The following SRGAP1 variants were observed in gnomAD, a reference collection of about 807,000 sequenced individuals.
SRGAP1 encodes SLIT-ROBO Rho GTPase activating protein 1.
SRGAP1 carries 43 observed loss-of-function variants against 121.9 expected under a neutral mutation model. The ratio of observed to expected loss-of-function variants is 0.35; its 90% CI spans 0.28 to 0.46. The LOEUF is 0.46. Ranked by LOEUF, SRGAP1 falls within the 20% of genes least tolerant of loss-of-function variation. The pLI, the probability that SRGAP1 is intolerant of heterozygous loss-of-function variation, is 1.00. For synonymous variants in SRGAP1, 447 were observed against 485.4 expected (o/e 0.92, Z 1.04); for missense variants, 1,102 against 1,350.9 (o/e 0.82, Z 2.89).
intron 1 of SRGAP1, among the ~76,000 whole-genome samples, chr12:63,942,176 A>G (rs967242020): frequency 2.0e-5 from 3 of 152,286 alleles, no homozygotes; most frequent in Non-Finnish European, 2.9e-5. Context: ...AAATTTCTCT[A>G]TGGGCATCAT....
Position 64,062,904 on chromosome 12 carries a change from T to C in SRGAP1, c.802-13T>C. The C allele has an allele frequency of 6.3e-7, 1 of 1,599,760 alleles. No homozygotes were observed. Among genetic ancestry groups the C allele is most frequent in the East Asian group, 2.2e-5 (1 of 44,536 alleles). ...CATTCATTTTTGTATGTGGTGTTCT[T>C]TTACTTTTTAAGTGCTGTGATCTTG... On this transcript the variant is annotated splice_polypyrimidine_tract_variant and intron_variant, in intron 6 of 21. Transcript: ENST00000355086.
intron 1 of SRGAP1, among the ~76,000 whole-genome samples, chr12:63,949,458 C>T (rs986270438): frequency 1.4e-5 from 2 of 146,582 alleles, no homozygotes; most frequent in East Asian, 2.0e-4. Flanking sequence ...GACGGAACCT[C>T]GCTCTGTCAC....
intron 2 of SRGAP1, among the ~76,000 whole-genome samples, chr12:63,985,728 G>T (rs1242288277): frequency 6.6e-6 from 1 of 152,126 alleles, no homozygotes; most frequent in African/African-American, 2.4e-5. Flanking sequence ...TAAAGACTTG[G>T]AACTGAGAGC....
At chr12:64,051,806 C>G (rs1247574855) in intron 6 of SRGAP1, among the ~76,000 whole-genome samples, 1 of 152,092 alleles carries the variant, frequency 6.6e-6, no homozygotes, top group Non-Finnish European at 1.5e-5. Flanking sequence ...CTGTATCTCT[C>G]TGAGAAATTG....
chr12:63,914,165 C>T (rs1592941414), intron 1 of SRGAP1, among the ~76,000 whole-genome samples: 1 of 152,088 alleles, frequency 6.6e-6, no homozygotes, highest in East Asian at 1.9e-4. Flanking sequence ...GTGTTTTATC[C>T]CTCAGTCATT....
At chr12:64,097,555 A>C (rs2036183009) in intron 15 of SRGAP1, 180 bp downstream of exon 15, 3 of 583,062 alleles carry the variant, frequency 5.1e-6, no homozygotes, top group Non-Finnish European at 8.0e-6. Context: ...CTGTGGCCTC[A>C]CCCTCGGCTG....
At chr12:64,040,733 A>G (rs1363335311) in intron 4 of SRGAP1, among the ~76,000 whole-genome samples, 1 of 152,226 alleles carries the variant, frequency 6.6e-6, no homozygotes, top group Non-Finnish European at 1.5e-5. Flanking sequence ...CGTTATAAAA[A>G]TAATGAATAG....
At chr12:64,104,689 G>A (rs187481281) in intron 15 of SRGAP1, among the ~76,000 whole-genome samples, 1 of 152,300 alleles carries the variant, frequency 6.6e-6, no homozygotes, top group East Asian at 1.9e-4. Flanking sequence ...ACGGTTAGAG[G>A]CCTTCGAGAC....
intron 14 of SRGAP1, among the ~76,000 whole-genome samples, chr12:64,095,532 G>GGCAGCTCCTCCCTGCTGC: frequency 6.6e-6 from 1 of 152,078 alleles, no homozygotes; most frequent in Non-Finnish European, 1.5e-5. Context: ...AGGTGAGGGA[G>GGCAGCTCCTCCCTGCTGC]GCAGCTCCTC....
At chr12:63,999,809 G>T (rs2033824206) in intron 3 of SRGAP1, among the ~76,000 whole-genome samples, 1 of 152,124 alleles carries the variant, frequency 6.6e-6, no homozygotes, top group Non-Finnish European at 1.5e-5. Context: ...CCTTTGGCAG[G>T]TCATTAAAAT....
At chr12:64,082,060 C>T (rs922753310) in intron 10 of SRGAP1, 13 of 110,298 alleles carry the variant, frequency 1.2e-4, no homozygotes, top group African/African-American at 4.2e-4. Context: ...AAGTGATGCC[C>T]TCAAGGTCAG....
chr12:63,859,101 G>C (rs1384423127), intron 1 of SRGAP1, among the ~76,000 whole-genome samples: 1 of 152,154 alleles, frequency 6.6e-6, no homozygotes, highest in Non-Finnish European at 1.5e-5. Context: ...TAAAAACATA[G>C]GCTGATCTGT....
chr12:64,001,897 A>G (rs535956073), intron 3 of SRGAP1, among the ~76,000 whole-genome samples: 1 of 152,360 alleles, frequency 6.6e-6, no homozygotes, highest in South Asian at 2.1e-4. Context: ...AAATTGACTA[A>G]GTATACTCCA....
intron 3 of SRGAP1, among the ~76,000 whole-genome samples, chr12:63,997,987 C>A (rs116514121): frequency 0.011 from 1,637 of 152,280 alleles, 22 homozygotes; most frequent in African/African-American, 0.034. Context: ...GAGCCTATCA[C>A]TCTTTTGCCC....
intron 3 of SRGAP1, among the ~76,000 whole-genome samples, chr12:64,016,429 G>A (rs1326151062): frequency 6.6e-6 from 1 of 152,134 alleles, no homozygotes; most frequent in Non-Finnish European, 1.5e-5. Context: ...CAAGGTTGCG[G>A]TGAGCTGTGA....
rs538332250 is a variant in SRGAP1 at position 63,886,466 on chromosome 12, G to T, written c.67+41583G>T. Among the ~76,000 whole-genome samples, 16 of 149,262 alleles carry T rather than the reference G, an allele frequency of 1.1e-4. No homozygotes were observed. In the East Asian group the frequency reaches 3.1e-3, roughly 29 times the overall value. On this transcript the variant is annotated intron_variant, in intron 1 of 21. Transcript: ENST00000355086. ...TTTTTTACTTTTTTATTTTAGAAAT[G>T]AACCATTTTATGTACTTATTTATTT...
At chr12:64,095,923 A>G (rs1388833744) in intron 14 of SRGAP1, among the ~76,000 whole-genome samples, 1 of 152,146 alleles carries the variant, frequency 6.6e-6, no homozygotes, top group African/African-American at 2.4e-5. Flanking sequence ...AAAGCTGCAC[A>G]CTTTCGTGTC....
chr12:63,887,906 G>C (rs1050457068), intron 1 of SRGAP1: 1 of 152,210 alleles, frequency 6.6e-6, no homozygotes, highest in Non-Finnish European at 1.5e-5. Context: ...GTAATATCCT[G>C]AGAAGCTCCA....
chr12:63,947,083 A>G (rs1277364822), intron 1 of SRGAP1, among the ~76,000 whole-genome samples: 1 of 152,222 alleles, frequency 6.6e-6, no homozygotes, highest in Non-Finnish European at 1.5e-5. Context: ...ACCACTACAA[A>G]TAAAAGTGCT....
Sources: allele counts gnomAD v4.1 joint callset (sites outside exome capture counted in the v4.1 genomes callset), GRCh38; gene constraint gnomAD v4.1.1; transcripts MANE v1.5; gene names NCBI Gene and HGNC (gene_info 2026-07-23, HGNC 2026-07-21).